The following IPMK variants were observed in gnomAD, a reference collection of about 807,000 sequenced individuals.
The protein encoded by IPMK is inositol 1,3,4,6-tetrakisphosphate 5-kinase.
Under a neutral mutation model 45.8 loss-of-function variants are expected in IPMK, and 17 were observed. The observed-to-expected ratio is 0.37, with a 90% CI of 0.25 to 0.56. IPMK has a LOEUF of 0.56. Ranked by LOEUF, IPMK falls within the 20% of genes least tolerant of loss-of-function variation. The pLI, the probability that IPMK is intolerant of heterozygous loss-of-function variation, is 0.79. For synonymous variants in IPMK, 180 were observed against 184.3 expected (o/e 0.98, Z 0.19); for missense variants, 399 against 498.0 (o/e 0.80, Z 1.89).
At chr10:58,207,867 T>C (rs971357779) in intron 4 of IPMK, among the ~76,000 whole-genome samples, 1 of 152,202 alleles carries the variant, frequency 6.6e-6, no homozygotes, top group Non-Finnish European at 1.5e-5. Context: ...TCCAAACTTT[T>C]AGATTTCTTT....
chr10:58,200,378 C>T (rs1400134651), intron 4 of IPMK, among the ~76,000 whole-genome samples: 10 of 152,144 alleles, frequency 6.6e-5, no homozygotes, highest in Admixed American at 6.5e-4. Context: ...CTCAGCCTCT[C>T]AAAGTGCTGG....
intron 1 of IPMK, 109 bp downstream of exon 1, chr10:58,267,313 C>G (rs1232999385): frequency 9.4e-7 from 1 of 1,059,036 alleles, no homozygotes; most frequent in African/African-American, 1.6e-5. Flanking sequence ...ATTTGGCGTG[C>G]ACACCAGGGG....
chr10:58,216,007 T>C, intron 4 of IPMK, 138 bp downstream of exon 4: 1 of 589,218 alleles, frequency 1.7e-6, no homozygotes, highest in Non-Finnish European at 2.6e-6. Flanking sequence ...CCCTCACTTT[T>C]CACATTGGGG....
intron 5 of IPMK, among the ~76,000 whole-genome samples, chr10:58,197,331 A>G (rs921689269): frequency 2.0e-5 from 3 of 150,496 alleles, no homozygotes; most frequent in Admixed American, 2.0e-4. Context: ...AAATAAATAC[A>G]TAAATACATA....
At chr10:58,217,135 C>A (rs958897713) in intron 3 of IPMK, among the ~76,000 whole-genome samples, 2 of 146,754 alleles carry the variant, frequency 1.4e-5, no homozygotes, top group African/African-American at 2.5e-5. Context: ...AGGTGTGAGT[C>A]ACCATGCCCA....
chr10:58,196,971 C>A (rs1837904570), intron 5 of IPMK, among the ~76,000 whole-genome samples: 1 of 152,136 alleles, frequency 6.6e-6, no homozygotes, highest in African/African-American at 2.4e-5. Flanking sequence ...TACAGGTAGA[C>A]TGGTAGTTTA....
rs368990067 is a variant in IPMK, at chr10:58,199,249, T to G, written c.619A>C (p.Ile207Leu). Residue 207 changes from isoleucine (I) to leucine (L), a missense_variant, in exon 5 of 6, where the codon ATA becomes CTA. Physicochemically the swap from Ile to Leu is conservative, Grantham distance 5. Transcript: ENST00000373935. ...HYGRSLTKET[I>L]KDGVSRFFHN... ...GTTTTTTAGTCCTTACCATCCTTTATAGTTTCTTTTGTTAAGCTTCTTCCG... is the reference window on the plus strand; with the variant it reads ...GTTTTTTAGTCCTTACCATCCTTTAGAGTTTCTTTTGTTAAGCTTCTTCCG... 54 of 1,599,800 alleles carry G rather than the reference T, an allele frequency of 3.4e-5. No individual in the cohort carries two copies. The highest frequency in any genetic ancestry group is 4.0e-5 in the African/African-American group (3 of 74,638).
At position 58,237,628 on chromosome 10, in the gene IPMK, C is replaced by T. The variant is rs562623354; in HGVS notation, c.276+101G>A. On this transcript the variant is annotated intron_variant, in intron 2 of 5. Coordinates refer to ENST00000373935, the MANE Select transcript of IPMK (RefSeq NM_152230.5). ...GAAGCTTTTGTTTCCGTTACATACACACAGTGACTATGCTGTCAAATATGT... is the reference window on the plus strand; with the variant it reads ...GAAGCTTTTGTTTCCGTTACATACATACAGTGACTATGCTGTCAAATATGT... The T allele has an allele frequency of 4.7e-6, 4 of 846,920 alleles. No homozygotes were observed. The South Asian group carries it at 5.5e-5, about 12-fold the overall frequency. 52.5% of individuals were successfully genotyped at this position (846,920 alleles called of 1,614,324 possible). A position where few individuals can be genotyped will look rare whatever the true frequency, so the allele number is the denominator to read the frequency against.
At chr10:58,252,611 CTTT>C (rs113777957) in intron 1 of IPMK, among the ~76,000 whole-genome samples, 6,071 of 111,206 alleles carry the variant, frequency 0.055, 253 homozygotes, top group East Asian at 0.29. Flanking sequence ...GTTTTCTTTT[CTTT>C]TTTTTTTTTT....
In IPMK at chr10:58,208,569, T is replaced by A. The variant is rs1323085796; in HGVS notation, c.546+7576A>T. 5.3e-5 allele frequency among the ~76,000 whole-genome samples: 8 copies of A among 152,292 alleles called. No homozygotes were observed. In the East Asian group the frequency reaches 1.5e-3, roughly 29 times the overall value. On this transcript the variant is annotated intron_variant, in intron 4 of 5. Transcript: ENST00000373935. ...AATGTTCATTTTAGTCTAAACTGAT[T>A]CTTGGTACTTGTAGGGATAAAGACT...
intron 1 of IPMK, among the ~76,000 whole-genome samples, chr10:58,246,377 G>A (rs971177296): frequency 3.6e-5 from 5 of 138,496 alleles, no homozygotes; most frequent in African/African-American, 1.6e-4. Context: ...CAAAGCTAGA[G>A]GCATCACACT....
intron 1 of IPMK, among the ~76,000 whole-genome samples, chr10:58,264,227 A>G (rs1839115739): frequency 6.6e-6 from 1 of 152,242 alleles, no homozygotes; most frequent in Non-Finnish European, 1.5e-5. Flanking sequence ...AATAGTTAAG[A>G]AAAATTATTT....
intron 1 of IPMK, among the ~76,000 whole-genome samples, chr10:58,240,592 C>T (rs1354454398): frequency 1.4e-5 from 2 of 147,814 alleles, no homozygotes; most frequent in Admixed American, 6.8e-5. Flanking sequence ...TAACTTTTCA[C>T]GAAACCATCA....
At position 58,191,975 on chromosome 10, in the gene IPMK, T is replaced by C. The variant is rs996216822; in HGVS notation, c.*4101A>G. Reference sequence around the variant, plus strand: ...TGTTAAATTATATTTAAGTGGACAGTAGGTAAAAAATTTAAACTTTGATGA... The same window carrying C: ...TGTTAAATTATATTTAAGTGGACAGCAGGTAAAAAATTTAAACTTTGATGA... On this transcript the variant is annotated 3_prime_UTR_variant, in exon 6 of 6. Coordinates refer to ENST00000373935, the MANE Select transcript of IPMK (RefSeq NM_152230.5). The C allele has an allele frequency of 5.3e-5, 8 of 152,034 alleles. No homozygotes were observed. Among genetic ancestry groups the C allele is most frequent in the African/African-American group, 1.9e-4 (8 of 41,432 alleles). 9.4% of individuals were successfully genotyped at this position (152,034 alleles called of 1,614,324 possible). A position where few individuals can be genotyped will look rare whatever the true frequency, so the allele number is the denominator to read the frequency against.
chr10:58,234,698 A>T (rs1291219968), intron 2 of IPMK, among the ~76,000 whole-genome samples: 4 of 152,248 alleles, frequency 2.6e-5, no homozygotes, highest in Admixed American at 1.3e-4. Flanking sequence ...TGTTAGACCT[A>T]AAACCATAAA....
chr10:58,237,148 A>G (rs1173668407), intron 2 of IPMK, among the ~76,000 whole-genome samples: 5 of 152,190 alleles, frequency 3.3e-5, no homozygotes, highest in African/African-American at 9.7e-5. Flanking sequence ...TCCACCCAAG[A>G]GGCTGACTTG....
At chr10:58,214,975 G>GC (rs1288333650) in intron 4 of IPMK, among the ~76,000 whole-genome samples, 3 of 152,116 alleles carry the variant, frequency 2.0e-5, no homozygotes, top group African/African-American at 7.2e-5. Flanking sequence ...ATCTGGGCTA[G>GC]CCCTGTACTA....
At position 58,196,343 on chromosome 10, in the gene IPMK, C is replaced by G. The variant is rs765751052; in HGVS notation, c.984G>C (p.Lys328Asn). Reference sequence around the variant, plus strand: ...CTTTCAATGAAGTCTGACTGTGATGCTTTTTTGTATATATTTTCCTGTGAC... The same window carrying G: ...CTTTCAATGAAGTCTGACTGTGATGGTTTTTTGTATATATTTTCCTGTGAC... ...YARHRKIYTK[K>N]HHSQTSLKVE... is the part of the protein sequence containing the mutation. Residue 328 changes from lysine to asparagine, a missense_variant, in exon 6 of 6, where the codon AAG (lysine) becomes AAC (asparagine). By Grantham distance (94) the Lys-to-Asn change is moderately conservative. Coordinates refer to ENST00000373935, the MANE Select transcript of IPMK (RefSeq NM_152230.5). The G allele has an allele frequency of 5.6e-6, 9 of 1,614,006 alleles. No individual in the cohort carries two copies. The highest frequency in any genetic ancestry group is 7.6e-6 in the Non-Finnish European group (9 of 1,180,034).
At position 58,195,815 on chromosome 10, in the gene IPMK, A is replaced by C; in HGVS notation, c.*261T>G. On this transcript the variant is annotated 3_prime_UTR_variant, in exon 6 of 6. Transcript: ENST00000373935. ...AATGGTTTGCATTTTGCTTGAGCCA[A>C]AAAAGATGTTTAAGCCATGTACCAC... 1 of 349,618 alleles carries C rather than the reference A, an allele frequency of 2.9e-6. No individual in the cohort carries two copies. The highest frequency in any genetic ancestry group is 5.2e-6 in the Non-Finnish European group (1 of 194,006). 21.7% of individuals were successfully genotyped at this position (349,618 alleles called of 1,614,324 possible).
Sources: allele counts gnomAD v4.1 joint callset (sites outside exome capture counted in the v4.1 genomes callset), GRCh38; gene constraint gnomAD v4.1.1; transcripts MANE v1.5; gene names NCBI Gene and HGNC (gene_info 2026-07-23, HGNC 2026-07-21).